The following RAD54B variants were observed in gnomAD, a reference collection of about 807,000 sequenced individuals.
The protein encoded by RAD54B is DNA repair and recombination protein RAD54B.
In RAD54B, 78 loss-of-function variants were observed where a neutral mutation model predicts 95.8. The observed-to-expected ratio is 0.81, with a 90% confidence interval of 0.68 to 0.98. The LOEUF (loss-of-function observed/expected upper bound fraction) is 0.98, where lower values mean the gene tolerates loss of function less well. RAD54B is among the 50% of genes least tolerant of loss of function. The pLI, the probability that RAD54B is intolerant of heterozygous loss-of-function variation, is 0.00. For synonymous variants in RAD54B, 328 were observed against 354.9 expected, an observed-to-expected ratio of 0.92 and a Z score of 0.85; for missense variants, 957 against 1,056.6, an observed-to-expected ratio of 0.91 and a Z score of 1.31.
At chr8:94,405,642 G>A (rs977417235) in intron 5 of RAD54B, among the ~76,000 whole-genome samples, 4 of 152,154 alleles carry the variant, frequency 2.6e-5, no homozygotes, top group African/African-American at 4.8e-5. Flanking sequence ...CAAAGTAAGA[G>A]TGTGCTCCTT....
intron 3 of RAD54B, among the ~76,000 whole-genome samples, chr8:94,434,359 T>C (rs1812200521): frequency 6.6e-6 from 1 of 151,726 alleles, no homozygotes; most frequent in Non-Finnish European, 1.5e-5. Context: ...GAAAAAAAGC[T>C]TTAGAGCAGG....
chr8:94,448,694 T>TTAA (rs1554609363), intron 3 of RAD54B, among the ~76,000 whole-genome samples: 13 of 138,326 alleles, frequency 9.4e-5, no homozygotes, highest in Admixed American at 7.2e-5. Context: ...AATGTTACTT[T>TTAA]AAAAAAAAAA....
intron 1 of RAD54B, among the ~76,000 whole-genome samples, chr8:94,472,090 G>A (rs1039293750): frequency 1.3e-5 from 2 of 152,032 alleles, no homozygotes; most frequent in African/African-American, 4.8e-5. Context: ...GAATGAGTAG[G>A]AGAGATCACT....
At chr8:94,377,891 G>C (rs999924353) in intron 14 of RAD54B, among the ~76,000 whole-genome samples, 1 of 143,754 alleles carries the variant, frequency 7.0e-6, no homozygotes, top group Non-Finnish European at 1.5e-5. Context: ...CAGGAGAATG[G>C]CGTGAACCCG....
intron 9 of RAD54B, among the ~76,000 whole-genome samples, 157 bp from the exon 10 acceptor site, chr8:94,392,056 T>A (rs1331264367): frequency 6.6e-6 from 1 of 152,196 alleles, no homozygotes; most frequent in Non-Finnish European, 1.5e-5. Context: ...AAACCAACCA[T>A]GATCTATTTA....
intron 3 of RAD54B, chr8:94,436,832 A>T: frequency 7.1e-6 from 11 of 1,542,964 alleles, no homozygotes; most frequent in Non-Finnish European, 8.7e-6. Context: ...AGCTTTTCGG[A>T]TAAGGTAAAA....
intron 10 of RAD54B, 24 bp from the exon 11 acceptor site, chr8:94,387,183 T>C (rs772746610): frequency 6.6e-7 from 1 of 1,526,640 alleles, no homozygotes; most frequent in Non-Finnish European, 8.8e-7. Context: ...TGATTGTTAA[T>C]GCTGGCTCAA....
intron 3 of RAD54B, among the ~76,000 whole-genome samples, chr8:94,412,920 AG>A (rs1401689229): frequency 6.6e-6 from 1 of 152,204 alleles, no homozygotes; most frequent in Non-Finnish European, 1.5e-5. Context: ...TAGACTAGCA[AG>A]GAATAATCAA....
At chr8:94,419,009 C>T (rs1268223896) in intron 3 of RAD54B, among the ~76,000 whole-genome samples, 1 of 152,114 alleles carries the variant, frequency 6.6e-6, no homozygotes, top group African/African-American at 2.4e-5. Context: ...CTTTGCTAGA[C>T]TCTCCTAATT....
chr8:94,374,106 C>T (rs150458262), intron 14 of RAD54B, among the ~76,000 whole-genome samples: 409 of 152,188 alleles, frequency 2.7e-3, no homozygotes, highest in African/African-American at 9.4e-3. Context: ...AGTGTAACCC[C>T]GTCTCTACTA....
intron 14 of RAD54B, among the ~76,000 whole-genome samples, chr8:94,374,073 A>T (rs2129935861): frequency 6.6e-6 from 1 of 152,252 alleles, no homozygotes; most frequent in East Asian, 1.9e-4. Context: ...AGGTCAGGTG[A>T]TCGAGACCAT....
intron 3 of RAD54B, among the ~76,000 whole-genome samples, chr8:94,418,441 A>T (rs1811725933): frequency 6.6e-6 from 1 of 152,180 alleles, no homozygotes; most frequent in Non-Finnish European, 1.5e-5. Flanking sequence ...CATCACCTTT[A>T]TCCATTTTTA....
rs1812826349 is a variant in RAD54B at position 94,458,423 on chromosome 8, T to C, written c.149A>G (p.Asn50Ser). ...ATTTTGTGACGGGAGAAAGGTGTTATTAATTGCAACACCCTAAAAGAAACA... is the reference window on the plus strand; with the variant it reads ...ATTTTGTGACGGGAGAAAGGTGTTACTAATTGCAACACCCTAAAAGAAACA... Reference protein sequence around the residue: ...DIKLFEGVAINNTFLPSQNDL... With the variant: ...DIKLFEGVAISNTFLPSQNDL... The change falls in exon 3 of 15, where the codon AAT becomes AGT. Residue 50 changes from asparagine to serine, a missense_variant. Coordinates refer to ENST00000336148, the MANE Select transcript of RAD54B (RefSeq NM_012415.3). 6.3e-7 allele frequency: 1 copy of C among 1,588,944 alleles called. No homozygotes were observed. Among genetic ancestry groups the C allele is most frequent in the African/African-American group, 1.4e-5 (1 of 74,068 alleles).
At chr8:94,436,534 G>A (rs1345727593) in intron 3 of RAD54B, 1 of 1,549,996 alleles carries the variant, frequency 6.5e-7, no homozygotes, top group East Asian at 2.4e-5. Context: ...GCAAAAACTG[G>A]AAATCTGGGG....
At chr8:94,422,653 T>TATATAA (rs1252343000) in intron 3 of RAD54B, among the ~76,000 whole-genome samples, 1 of 86,226 alleles carries the variant, frequency 1.2e-5, no homozygotes, top group Non-Finnish European at 2.3e-5. Flanking sequence ...TATATATATA[T>TATATAA]AAAATTATCA....
chr8:94,422,619 T>A (rs397833578), intron 3 of RAD54B, among the ~76,000 whole-genome samples: 1,552 of 20,744 alleles, frequency 0.075, 29 homozygotes, highest in Non-Finnish European at 0.088. Context: ...AAAAAAAAAA[T>A]ATATATATAT....
intron 6 of RAD54B, among the ~76,000 whole-genome samples, chr8:94,400,936 T>TA (rs1341337832): frequency 6.6e-6 from 1 of 152,094 alleles, no homozygotes; most frequent in Non-Finnish European, 1.5e-5. Flanking sequence ...CCCTGCATCA[T>TA]AAAAAAATTA....
rs537448513 is a variant in RAD54B, at chr8:94,425,499, C to T, written c.305-14184G>A. Among the ~76,000 whole-genome samples the T allele has an allele frequency of 9.5e-4, 145 of 151,990 alleles. 1 individual carries two copies. Among genetic ancestry groups the T allele is most frequent in the African/African-American group, 3.0e-3 (126 of 41,454 alleles). On this transcript the variant is annotated intron_variant, in intron 3 of 14. Coordinates refer to ENST00000336148, the MANE Select transcript of RAD54B (RefSeq NM_012415.3). The stretch of plus-strand genomic sequence containing the variant: ...GTTTTGAGTTTTAAAATTACCAAAA[C>T]CTACCAATGTTTAATATGCATTAAC...
At chr8:94,401,753 C>A (rs1811271488) in intron 6 of RAD54B, among the ~76,000 whole-genome samples, 1 of 152,086 alleles carries the variant, frequency 6.6e-6, no homozygotes, top group African/African-American at 2.4e-5. Context: ...AAAAAAATTA[C>A]CAACATAAAT....
Sources: gnomAD v4.1 joint callset for allele counts (sites outside exome capture counted in the v4.1 genomes callset) on GRCh38, gnomAD v4.1.1 for gene constraint, MANE v1.5 for transcripts, NCBI Gene and HGNC (gene_info 2026-07-23, HGNC 2026-07-21) for gene names.